The following GAK variants were observed in gnomAD, a reference collection of about 807,000 sequenced individuals.
GAK encodes cyclin G associated kinase.
In GAK, 79 loss-of-function variants were observed where a neutral mutation model predicts 143.9. The ratio of observed to expected loss-of-function variants is 0.55; its 90% CI spans 0.46 to 0.66. The LOEUF is 0.66. GAK is among the 30% of genes least tolerant of loss of function. The pLI, the probability that GAK is intolerant of heterozygous loss-of-function variation, is 0.00. For synonymous variants in GAK, 881 were observed against 765.5 expected (o/e 1.15, Z -2.49); for missense variants, 1,693 against 1,779.7 (o/e 0.95, Z 0.88).
chr4:850,243 C>T (rs112374489), intron 26 of GAK, 175 bp from the exon 27 acceptor site: 19 of 564,066 alleles, frequency 3.4e-5, no homozygotes, highest in African/African-American at 1.9e-4. Flanking sequence ...GAGCCCACTC[C>T]GGACGACACA....
At chr4:849,853 C>A in intron 27 of GAK, 39 bp downstream of exon 27, 1 of 1,497,304 alleles carries the variant, frequency 6.7e-7, no homozygotes, top group East Asian at 2.4e-5. Flanking sequence ...CCGCCCCGCC[C>A]CTGAAGGCCT....
chr4:928,696 T>A (rs577755022), intron 1 of GAK, among the ~76,000 whole-genome samples: 2 of 152,332 alleles, frequency 1.3e-5, no homozygotes, highest in South Asian at 2.1e-4. Flanking sequence ...TACCACATGA[T>A]TCTGCAACTG....
At position 919,683 on chromosome 4, in the gene GAK, C is replaced by T. The variant is rs1024850792; in HGVS notation, c.146-6015G>A. On this transcript the variant is annotated intron_variant, in intron 1 of 27. Transcript: ENST00000314167. ...CCCTAATGCACCTGCCCATCCCAGC[C>T]ACTCTTTATTAACTTGTTCCTTTTT... Among the ~76,000 whole-genome samples, 5 of 152,244 alleles carry T rather than the reference C, an allele frequency of 3.3e-5. No homozygotes were observed. In the East Asian group the frequency reaches 9.6e-4, roughly 29 times the overall value.
At position 859,712 on chromosome 4, in the gene GAK, G is replaced by A; in HGVS notation, c.3177C>T (p.Phe1059=). ...APTPATEGPL[F]SPGGQPAPCG... ...AAGGGGCCGGCTGACCTCCAGGAGA[G>A]AAGAGGGGGCCTGGAGAAGGGGCAC... The change falls in exon 24 of 28, where the codon TTC becomes TTT. Residue 1059 remains phenylalanine (F), a synonymous_variant. Coordinates refer to ENST00000314167, the MANE Select transcript of GAK (RefSeq NM_005255.4). The A allele has an allele frequency of 1.3e-6, 2 of 1,590,978 alleles. No homozygotes were observed. Among genetic ancestry groups the A allele is most frequent in the African/African-American group, 2.7e-5 (2 of 74,528 alleles).
chr4:858,513 G>T (rs1749687075), intron 24 of GAK, among the ~76,000 whole-genome samples: 1 of 152,208 alleles, frequency 6.6e-6, no homozygotes, highest in Admixed American at 6.5e-5. Flanking sequence ...ACCCCACCGT[G>T]CTCTCAGACA....
intron 5 of GAK, among the ~76,000 whole-genome samples, chr4:902,596 C>CAAAAAAAAAAAAAAAAAAAAAAA (rs768017849): frequency 1.6e-5 from 1 of 60,726 alleles, no homozygotes; most frequent in African/African-American, 8.2e-5. Flanking sequence ...GTGACTGACT[C>CAAAAAAAAAAAAAAAAAAAAAAA]AAAAAAAAAA....
At position 882,918 on chromosome 4, in the gene GAK, C is replaced by T. The variant is rs535729445; in HGVS notation, c.1405-99G>A. 207 of 1,478,628 alleles carry T rather than the reference C, an allele frequency of 1.4e-4. 3 individuals are homozygous for T. The South Asian group carries it at 2.4e-3, about 17-fold the overall frequency. The allele number at this position is 1,478,628 out of a possible 1,614,324, so 91.6% of individuals were successfully genotyped here. On this transcript the variant is annotated intron_variant, in intron 13 of 27. Coordinates refer to ENST00000314167, the MANE Select transcript of GAK (RefSeq NM_005255.4). ...CCTGCCTGCAGTGCGGGGGCCTCCG[C>T]CAGCTGGTGTCATGAACAGGCGTCC... is the stretch of plus-strand genomic sequence containing the variant.
intron 5 of GAK, among the ~76,000 whole-genome samples, chr4:901,764 G>A (rs949529703): frequency 4.9e-4 from 75 of 152,348 alleles, no homozygotes; most frequent in Non-Finnish European, 7.5e-4. Flanking sequence ...GGGCAGTGGC[G>A]GGGAGCCAAG....
intron 4 of GAK, among the ~76,000 whole-genome samples, chr4:909,854 A>G (rs1268057802): frequency 6.6e-6 from 1 of 152,096 alleles, no homozygotes; most frequent in African/African-American, 2.4e-5. Context: ...GAGAAACACA[A>G]GCGGCACATC....
chr4:859,230 T>C, intron 24 of GAK: 7 of 1,189,550 alleles, frequency 5.9e-6, no homozygotes, highest in South Asian at 1.5e-5. Context: ...GCTCGGTTCT[T>C]GTGGCCGACA....
At chr4:883,229 C>A in intron 13 of GAK, 86 bp downstream of exon 13, 1 of 1,517,754 alleles carries the variant, frequency 6.6e-7, no homozygotes, top group South Asian at 1.3e-5. Flanking sequence ...ACAGCCCCAC[C>A]CTGGCCAAAG....
At chr4:869,409 A>ACATGAATG (rs1711907244) in intron 19 of GAK, 1 of 150,564 alleles carries the variant, frequency 6.6e-6, no homozygotes, top group African/African-American at 2.5e-5. Flanking sequence ...TGCACGGTAC[A>ACATGAATG]CATGAATGCA....
At chr4:881,322 T>A (rs1314485376) in intron 15 of GAK, among the ~76,000 whole-genome samples, 1 of 152,172 alleles carries the variant, frequency 6.6e-6, no homozygotes, top group African/African-American at 2.4e-5. Flanking sequence ...CAGGTCCTCA[T>A]GGAGACCAAG....
intron 4 of GAK, among the ~76,000 whole-genome samples, chr4:908,621 A>T (rs1016197784): frequency 6.6e-6 from 1 of 152,042 alleles, no homozygotes; most frequent in Non-Finnish European, 1.5e-5. Flanking sequence ...GTCTCTAAGA[A>T]AAGTTTACTC....
At chr4:928,062 G>A (rs1725129166) in intron 1 of GAK, among the ~76,000 whole-genome samples, 1 of 152,246 alleles carries the variant, frequency 6.6e-6, no homozygotes, top group African/African-American at 2.4e-5. Context: ...CAACCTAAGG[G>A]TCTACTTTTT....
At chr4:921,756 A>G (rs1324447756) in intron 1 of GAK, among the ~76,000 whole-genome samples, 1 of 152,098 alleles carries the variant, frequency 6.6e-6, no homozygotes, top group Non-Finnish European at 1.5e-5. Flanking sequence ...CGAAAGGACA[A>G]GCTGCAGACT....
chr4:866,813 C>G, intron 21 of GAK, 143 bp downstream of exon 21: 4 of 719,198 alleles, frequency 5.6e-6, no homozygotes, highest in Non-Finnish European at 9.2e-6. Context: ...TGACATGACC[C>G]CGAGGCTGCT....
At position 932,122 on chromosome 4, in the gene GAK, G is replaced by A. The variant is rs1013870388; in HGVS notation, c.66C>T (p.Gly22=). 1.9e-6 allele frequency: 3 copies of A among 1,592,846 alleles called. No homozygotes were observed. Among genetic ancestry groups the A allele is most frequent in the Non-Finnish European group, 2.6e-6 (3 of 1,170,442 alleles). ...GCCCCACGAAGTCACTCTGGTCGCG[G>A]CCGGAAGCACCGCCCAGGGAGCCTG... ...AGPGSLGGAS[G]RDQSDFVGQT... The change falls in exon 1 of 28, where the codon GGC becomes GGT. Residue 22 remains glycine (G), a synonymous_variant. Coordinates refer to ENST00000314167, the MANE Select transcript of GAK (RefSeq NM_005255.4). The surrounding 1 kb of genome is among the most constrained non-coding windows in gnomAD (Gnocchi z 4.0).
chr4:931,463 G>A (rs1230940997), intron 1 of GAK, among the ~76,000 whole-genome samples: 4 of 126,330 alleles, frequency 3.2e-5, no homozygotes, highest in East Asian at 2.4e-4. Flanking sequence ...TGCAACACGT[G>A]TGCACCCACC....
Sources: allele counts gnomAD v4.1 joint callset (sites outside exome capture counted in the v4.1 genomes callset), GRCh38; gene constraint gnomAD v4.1.1; non-coding constraint Gnocchi (gnomAD v3.1); transcripts MANE v1.5; gene names NCBI Gene and HGNC (gene_info 2026-07-23, HGNC 2026-07-21).